MYRFL: variants seen among roughly 807,000 people sequenced by gnomAD.
MYRFL encodes myelin regulatory factor like.
In MYRFL, 88 loss-of-function variants were observed where a neutral mutation model predicts 109.4. The ratio of observed to expected loss-of-function variants is 0.80; its 90% CI spans 0.68 to 0.96. The LOEUF (loss-of-function observed/expected upper bound fraction) is 0.96. Among genes scored for constraint, MYRFL ranks in the 40% least tolerant of loss-of-function variants. The pLI, the probability that MYRFL is intolerant of heterozygous loss-of-function variation, is 0.00. For missense variants in MYRFL, 957 were observed against 954.9 expected (o/e 1.00, Z -0.03); for synonymous variants, 324 against 320.9 (o/e 1.01, Z -0.10).
intron 1 of MYRFL, among the ~76,000 whole-genome samples, chr12:69,833,770 A>G (rs1234136891): frequency 6.6e-6 from 1 of 151,410 alleles, no homozygotes; most frequent in African/African-American, 2.4e-5. Context: ...GTCACAGGGA[A>G]CATCTATAGA....
At chr12:69,956,258 C>T (rs1956093163) in intron 22 of MYRFL, among the ~76,000 whole-genome samples, 1 of 151,628 alleles carries the variant, frequency 6.6e-6, no homozygotes, top group South Asian at 2.1e-4. Flanking sequence ...AAATTCAGTC[C>T]ACCCTCTCAG....
intron 19 of MYRFL, chr12:69,946,726 C>T (rs1411842965): frequency 1.3e-5 from 2 of 152,242 alleles, no homozygotes; most frequent in Non-Finnish European, 2.9e-5. Flanking sequence ...CTGATTTATA[C>T]CAAATTACCC....
intron 9 of MYRFL, among the ~76,000 whole-genome samples, chr12:69,896,683 G>C (rs949703515): frequency 1.3e-4 from 20 of 152,200 alleles, no homozygotes; most frequent in African/African-American, 4.3e-4. Flanking sequence ...AGTGTGGTGG[G>C]GCAGACCCTA....
Position 69,880,223 on chromosome 12 carries a change from A to T in MYRFL, c.487A>T (p.Lys163Ter). 1.4e-6 allele frequency: 1 copy of T among 702,608 alleles called. No individual in the cohort carries two copies. Among genetic ancestry groups the T allele is most frequent in the Non-Finnish European group, 2.6e-6 (1 of 384,760 alleles). The allele number at this position is 702,608 out of a possible 1,614,324, so 43.5% of individuals were successfully genotyped here. The change falls in exon 5 of 25, where the codon AAG (lysine) becomes TAG (stop). Residue 163 changes from lysine to a stop codon, truncating the protein, a stop_gained. Transcript: ENST00000552032. LOFTEE classifies it high-confidence loss of function. The stretch of plus-strand genomic sequence containing the variant: ...TAGAGCCTCATTGCCTCCAACCAAG[A>T]AGAGAAAGTGCACGCAGGCACTGGA... Reference protein sequence around the residue: ...SPGASLPPTKKRKCTQALEDS... With the variant: ...SPGASLPPTK
At chr12:69,859,602 T>C (rs1230087352) in intron 2 of MYRFL, among the ~76,000 whole-genome samples, 1 of 152,218 alleles carries the variant, frequency 6.6e-6, no homozygotes, top group African/African-American at 2.4e-5. Context: ...CAGAGTGATG[T>C]TCCTTTTTAT....
At chr12:69,953,015 A>G in intron 21 of MYRFL, 129 bp downstream of exon 21, 1 of 608,232 alleles carries the variant, frequency 1.6e-6, no homozygotes, top group Non-Finnish European at 2.8e-6. Context: ...TCCTTAAGTG[A>G]AAACATCTTT....
chr12:69,958,117 C>T lies in MYRFL; in HGVS notation c.2572-132C>T, dbSNP rs374904906. ...TGTTCTGTTGCTAGGACTGTTCTAG[C>T]AACACCCATCAAAAGCTGTGATCCC... On this transcript the variant is annotated intron_variant, in intron 23 of 24. Transcript: ENST00000552032. The T allele has an allele frequency of 2.7e-5, 31 of 1,157,032 alleles. No homozygotes were observed. The African/African-American group carries it at 3.7e-4, about 14-fold the overall frequency. 71.7% of individuals were successfully genotyped at this position (1,157,032 alleles called of 1,614,324 possible). A position where few individuals can be genotyped will look rare whatever the true frequency, so the allele number is the denominator to read the frequency against.
Position 69,958,674 on chromosome 12 carries a change from C to CAACA in MYRFL, c.*144_*147dup. 1 of 622,592 alleles carries CAACA rather than the reference C, an allele frequency of 1.6e-6. No homozygotes were observed. The highest frequency in any genetic ancestry group is 2.7e-6 in the Non-Finnish European group (1 of 368,020). The allele number at this position is 622,592 out of a possible 1,614,324, so 38.6% of individuals were successfully genotyped here. Reference sequence around the variant, plus strand: ...AAGGACTTTTTCAGGCTTTAGCTTCCAACAGTTTTGAGACATTAATGAGGA... The same window carrying CAACA: ...AAGGACTTTTTCAGGCTTTAGCTTCCAACAAACAGTTTTGAGACATTAATGAGGA... On this transcript the variant is annotated 3_prime_UTR_variant, in exon 25 of 25. Coordinates refer to ENST00000552032, the MANE Select transcript of MYRFL (RefSeq NM_182530.3).
chr12:69,862,115 T>C (rs1200378178), intron 2 of MYRFL, among the ~76,000 whole-genome samples: 1 of 150,690 alleles, frequency 6.6e-6, no homozygotes, highest in Non-Finnish European at 1.5e-5. Flanking sequence ...TATATCTCTG[T>C]TTTGGTACCA....
chr12:69,928,363 A>T (rs1955164343), intron 15 of MYRFL, among the ~76,000 whole-genome samples: 1 of 152,240 alleles, frequency 6.6e-6, no homozygotes, highest in South Asian at 2.1e-4. Flanking sequence ...CCTTTCTAGC[A>T]GCACTTTGTA....
At chr12:69,864,949 G>T (rs187624242) in intron 2 of MYRFL, among the ~76,000 whole-genome samples, 1 of 152,228 alleles carries the variant, frequency 6.6e-6, no homozygotes, top group African/African-American at 2.4e-5. Flanking sequence ...ATTCCACCTG[G>T]GTTCTGTATA....
In MYRFL at chr12:69,886,953, C is replaced by T. The variant is rs1383650639; in HGVS notation, c.690C>T (p.Asn230=). 11 of 1,535,822 alleles carry T rather than the reference C, an allele frequency of 7.2e-6. No homozygotes were observed. The highest frequency in any genetic ancestry group is 9.6e-6 in the Non-Finnish European group (11 of 1,146,684). Residue 230 remains asparagine, a synonymous_variant, in exon 6 of 25, where the codon AAC becomes AAT. Transcript: ENST00000552032. ...GTGTTCCTTGGCACAGCTTATTAAA[C>T]AGTCATTATGAAAAACTGTAAGTGG... ...CHSVPWHSLL[N]SHYEKLPDVG...
intron 2 of MYRFL, among the ~76,000 whole-genome samples, chr12:69,859,438 T>C (rs1884500399): frequency 6.6e-6 from 1 of 152,206 alleles, no homozygotes; most frequent in Non-Finnish European, 1.5e-5. Flanking sequence ...GACAGAAATG[T>C]TGAAGTCTTC....
At chr12:69,878,435 T>G (rs79970057) in intron 2 of MYRFL, among the ~76,000 whole-genome samples, 2 of 152,096 alleles carry the variant, frequency 1.3e-5, no homozygotes, top group Admixed American at 6.6e-5. Flanking sequence ...TCAAACAGTA[T>G]GTACAACCAT....
In MYRFL at chr12:69,958,072, T is replaced by C. The variant is rs543406227; in HGVS notation, c.2571+130T>C. 86 of 1,361,748 alleles carry C rather than the reference T, an allele frequency of 6.3e-5. No individual in the cohort carries two copies. In the African/African-American group the frequency reaches 8.3e-4, roughly 13 times the overall value. 84.4% of individuals were successfully genotyped at this position (1,361,748 alleles called of 1,614,324 possible). On this transcript the variant is annotated intron_variant, in intron 23 of 24. Transcript: ENST00000552032. The stretch of plus-strand genomic sequence containing the variant: ...GCCTCTTCCTTGTGTCCTTATGAAG[T>C]TGCCTTCTAAGGCAACTTCTGTTCT...
At chr12:69,926,380 AC>A (rs1276011773) in intron 13 of MYRFL, among the ~76,000 whole-genome samples, 190 bp from the exon 14 acceptor site, 1 of 152,204 alleles carries the variant, frequency 6.6e-6, no homozygotes, top group Non-Finnish European at 1.5e-5. Flanking sequence ...AGTTTACTAC[AC>A]AGCCAGCAGT....
chr12:69,942,069 GGA>G (rs1955669276), intron 19 of MYRFL, among the ~76,000 whole-genome samples: 1 of 143,274 alleles, frequency 7.0e-6, no homozygotes, highest in Admixed American at 6.9e-5. Context: ...AAAGAGTCCA[GGA>G]CCAGATGGAT....
chr12:69,826,273 A>G (rs1882273170), intron 1 of MYRFL, among the ~76,000 whole-genome samples: 1 of 152,040 alleles, frequency 6.6e-6, no homozygotes, highest in Non-Finnish European at 1.5e-5. Flanking sequence ...GAATTATCAC[A>G]TTATCTTGTC....
At chr12:69,916,488 T>C (rs1327582830) in intron 13 of MYRFL, among the ~76,000 whole-genome samples, 2 of 152,224 alleles carry the variant, frequency 1.3e-5, no homozygotes, top group Non-Finnish European at 2.9e-5. Flanking sequence ...CTATTTTTCT[T>C]CCTTTGGCAA....
Sources: gnomAD v4.1 joint callset for allele counts (sites outside exome capture counted in the v4.1 genomes callset) on GRCh38, gnomAD v4.1.1 for gene constraint, MANE v1.5 for transcripts, NCBI Gene and HGNC (gene_info 2026-07-23, HGNC 2026-07-21) for gene names.